EEA1: variants seen among roughly 807,000 people sequenced by gnomAD.
EEA1 encodes early endosome antigen 1, 162kD.
In EEA1, 111 loss-of-function variants were observed where a neutral mutation model predicts 209.2. The observed-to-expected ratio is 0.53, with a 90% CI of 0.45 to 0.62. The LOEUF (loss-of-function observed/expected upper bound fraction) is 0.62, where lower values mean the gene tolerates loss of function less well. Among genes scored for constraint, EEA1 ranks in the 20% least tolerant of loss-of-function variants. The pLI is 0.00. For missense variants in EEA1, 1,343 were observed against 1,530.8 expected (o/e 0.88, Z 2.05); for synonymous variants, 536 against 540.6 (o/e 0.99, Z 0.12).
intron 2 of EEA1, chr12:92,883,860 C>A: frequency 2.5e-6 from 4 of 1,602,314 alleles, no homozygotes; most frequent in Non-Finnish European, 3.4e-6. Context: ...CCGATGAGAG[C>A]CTGAGGAGCC....
intron 2 of EEA1, among the ~76,000 whole-genome samples, chr12:92,880,207 T>G (rs1367491331): frequency 6.6e-6 from 1 of 152,196 alleles, no homozygotes; most frequent in Non-Finnish European, 1.5e-5. Flanking sequence ...CCTCCTTCAC[T>G]ACACAGTAAA....
intron 10 of EEA1, among the ~76,000 whole-genome samples, chr12:92,834,557 A>AAG (rs1296439069): frequency 6.6e-6 from 1 of 150,696 alleles, no homozygotes; most frequent in African/African-American, 2.4e-5. Flanking sequence ...AAAAAAAAAA[A>AAG]AAAAAAAAAA....
At chr12:92,907,334 T>A (rs1880421375) in intron 1 of EEA1, among the ~76,000 whole-genome samples, 2 of 152,256 alleles carry the variant, frequency 1.3e-5, no homozygotes, top group Admixed American at 1.3e-4. Flanking sequence ...CACCACAAAG[T>A]CAGCTTATTC....
At position 92,780,403 on chromosome 12, in the gene EEA1, T is replaced by C. The variant is rs1565805050; in HGVS notation, c.3345A>G (p.Lys1115=). The C allele has an allele frequency of 6.6e-7, 1 of 1,517,892 alleles. No homozygotes were observed. Among genetic ancestry groups the C allele is most frequent in the Non-Finnish European group, 8.9e-7 (1 of 1,122,314 alleles). The allele number at this position is 1,517,892 out of a possible 1,614,324, so 94.0% of individuals were successfully genotyped here. The change falls in exon 24 of 29, where the codon AAA becomes AAG. Residue 1115 remains lysine, a synonymous_variant. Coordinates refer to ENST00000322349, the MANE Select transcript of EEA1 (RefSeq NM_003566.4). Reference sequence around the variant, plus strand: ...ACTTCTCATTTACCAGTTCTTTTTCTTTCAGTGACTGTAGAAAAATGATAT... The same window carrying C: ...ACTTCTCATTTACCAGTTCTTTTTCCTTCAGTGACTGTAGAAAAATGATAT... The part of the protein sequence containing the change: ...LQDIQKEKSL[K]EKELVNEKSK...
At position 92,924,176 on chromosome 12, in the gene EEA1, C is replaced by T. The variant is rs368069936; in HGVS notation, c.24+4867G>A. Among the ~76,000 whole-genome samples, 9 of 148,754 alleles carry T rather than the reference C, an allele frequency of 6.1e-5. No individual in the cohort carries two copies. The East Asian group carries it at 1.8e-3, about 29-fold the overall frequency. ...ACCAAAAACAACAACAAAACACCAA[C>T]ATTAGCAGCAGCTAACATTTAAGAC... is the stretch of plus-strand genomic sequence containing the variant. On this transcript the variant is annotated intron_variant, in intron 1 of 28. Coordinates refer to ENST00000322349, the MANE Select transcript of EEA1 (RefSeq NM_003566.4).
At chr12:92,778,682 C>T (rs1873767532) in intron 25 of EEA1, among the ~76,000 whole-genome samples, 1 of 152,066 alleles carries the variant, frequency 6.6e-6, no homozygotes, top group Non-Finnish European at 1.5e-5. Context: ...AAGCCAGATG[C>T]TTCCCATTTG....
chr12:92,811,778 A>C (rs1875524136), intron 16 of EEA1, among the ~76,000 whole-genome samples: 1 of 151,974 alleles, frequency 6.6e-6, no homozygotes, highest in African/African-American at 2.4e-5. Flanking sequence ...TCAAGACACC[A>C]ATTTTTAAAA....
chr12:92,787,993 T>G lies in EEA1; in HGVS notation c.3024A>C (p.Ala1008=). The G allele has an allele frequency of 6.2e-7, 1 of 1,612,184 alleles. No homozygotes were observed. The highest frequency in any genetic ancestry group is 8.5e-7 in the Non-Finnish European group (1 of 1,179,132). The part of the protein sequence containing the change: ...QQLTQAAQEL[A]AEKEKISVLQ... ...ATACTGATATTTTCTCTTTCTCTGC[T>G]GCAAGTTCCTGGGCTGCCTGTGTTA... The change falls in exon 22 of 29, where the codon GCA becomes GCC. Residue 1008 remains alanine, a synonymous_variant. Coordinates refer to ENST00000322349, the MANE Select transcript of EEA1 (RefSeq NM_003566.4).
chr12:92,883,934 C>T (rs1170702106), intron 2 of EEA1: 1 of 1,535,444 alleles, frequency 6.5e-7, no homozygotes, highest in Non-Finnish European at 8.9e-7. Flanking sequence ...ACAGAGCACT[C>T]CAGGGGCTTT....
chr12:92,912,183 G>A (rs373466528), intron 1 of EEA1, among the ~76,000 whole-genome samples: 2 of 152,128 alleles, frequency 1.3e-5, no homozygotes, highest in East Asian at 1.9e-4. Flanking sequence ...ACTCGACTAC[G>A]TCCCTTATTT....
chr12:92,876,394 T>G (rs1033228199), intron 2 of EEA1, among the ~76,000 whole-genome samples: 19 of 152,130 alleles, frequency 1.2e-4, no homozygotes, highest in Admixed American at 1.0e-3. Context: ...TATTTTTGCC[T>G]ATTTCCACCC....
At chr12:92,874,343 A>G (rs1878785098) in intron 2 of EEA1, among the ~76,000 whole-genome samples, 1 of 152,084 alleles carries the variant, frequency 6.6e-6, no homozygotes, top group African/African-American at 2.4e-5. Context: ...AAAAAAGAAA[A>G]AAAGAAAAAG....
At position 92,929,128 on chromosome 12, in the gene EEA1, T is replaced by G; in HGVS notation, c.-62A>C. ...CCAGACCCTGCGCGGGGCCACTCAC[T>G]ACTCGGGGTGCGCGGGCGGGAGGGA... On this transcript the variant is annotated 5_prime_UTR_variant, in exon 1 of 29. Transcript: ENST00000322349. 1 of 1,460,116 alleles carries G rather than the reference T, an allele frequency of 6.8e-7. No homozygotes were observed. The highest frequency in any genetic ancestry group is 9.3e-7 in the Non-Finnish European group (1 of 1,070,180). The allele number at this position is 1,460,116 out of a possible 1,614,324, so 90.4% of individuals were successfully genotyped here.
chr12:92,921,164 G>A (rs1438666906), intron 1 of EEA1, among the ~76,000 whole-genome samples: 2 of 149,646 alleles, frequency 1.3e-5, no homozygotes, highest in Admixed American at 1.3e-4. Context: ...CTGTAAACTA[G>A]TTCAACCATT....
intron 3 of EEA1, chr12:92,858,950 C>T (rs1211129725): frequency 4.3e-6 from 3 of 698,924 alleles, no homozygotes; most frequent in Non-Finnish European, 7.9e-6. Flanking sequence ...AAGGATTATA[C>T]TAAGATCAAC....
At chr12:92,783,863 G>A (rs1212106254) in intron 22 of EEA1, among the ~76,000 whole-genome samples, 1 of 151,580 alleles carries the variant, frequency 6.6e-6, no homozygotes, top group Admixed American at 6.6e-5. Flanking sequence ...GGCAGAAAAC[G>A]TAATTTAGCA....
chr12:92,788,167 C>T, intron 21 of EEA1, 118 bp from the exon 22 acceptor site: 2 of 714,782 alleles, frequency 2.8e-6, no homozygotes, highest in Non-Finnish European at 2.0e-6. Flanking sequence ...TGTACTTATG[C>T]CCCAAATTTC....
Position 92,788,007 on chromosome 12 carries a change from C to T in EEA1, c.3010G>A (p.Ala1004Thr). Reference sequence around the variant, plus strand: ...TCTTTCTCTGCTGCAAGTTCCTGGGCTGCCTGTGTTAACTGCTGCTGTAGT... The same window carrying T: ...TCTTTCTCTGCTGCAAGTTCCTGGGTTGCCTGTGTTAACTGCTGCTGTAGT... ...NKLQQQLTQA[A>T]QELAAEKEKI... is the part of the protein sequence containing the mutation. The change falls in exon 22 of 29, where the codon GCC (alanine) becomes ACC (threonine). Residue 1004 changes from alanine (A) to threonine (T), a missense_variant. Transcript: ENST00000322349. 6.2e-7 allele frequency: 1 copy of T among 1,609,466 alleles called. No individual in the cohort carries two copies. Among genetic ancestry groups the T allele is most frequent in the Non-Finnish European group, 8.5e-7 (1 of 1,177,888 alleles).
intron 1 of EEA1, among the ~76,000 whole-genome samples, chr12:92,921,757 AAG>A (rs1881005806): frequency 1.4e-5 from 2 of 138,256 alleles, no homozygotes; most frequent in Admixed American, 7.0e-5. Flanking sequence ...AATAAAAAAA[AAG>A]AAAAAAAAAA....
Sources: allele counts gnomAD v4.1 joint callset (sites outside exome capture counted in the v4.1 genomes callset), GRCh38; gene constraint gnomAD v4.1.1; transcripts MANE v1.5; gene names NCBI Gene and HGNC (gene_info 2026-07-23, HGNC 2026-07-21).